The following OGDH variants were observed in gnomAD, a reference collection of about 807,000 sequenced individuals.
OGDH encodes the protein 2-oxoglutarate dehydrogenase complex component E1.
In OGDH, 38 loss-of-function variants were observed where a neutral mutation model predicts 116.6. The observed-to-expected ratio is 0.33, with a 90% confidence interval of 0.25 to 0.43. The LOEUF is 0.43. OGDH is among the 20% of genes least tolerant of loss of function. The pLI is 1.00. For synonymous variants in OGDH, 488 were observed against 533.3 expected (o/e 0.92, Z 1.17); for missense variants, 825 against 1,357.2 (o/e 0.61, Z 6.16).
chr7:44,671,554 G>A (rs1349826767), intron 5 of OGDH, among the ~76,000 whole-genome samples: 6 of 151,622 alleles, frequency 4.0e-5, no homozygotes, highest in African/African-American at 1.5e-4. Context: ...ACGAGGTCAG[G>A]AGATCGAGAC....
At position 44,707,683 on chromosome 7, in the gene OGDH, T is replaced by C; in HGVS notation, c.2898T>C (p.Tyr966=). ...CQEEHKNQGY[Y]DYVKPRLRTT... ...AGGAGCACAAGAACCAAGGCTACTA[T>C]GACTACGTGAAGCCAAGACTTCGGA... Residue 966 remains tyrosine (Y), a synonymous_variant, in exon 22 of 23, where the codon TAT becomes TAC. Coordinates refer to ENST00000222673, the MANE Select transcript of OGDH (RefSeq NM_002541.4). The surrounding 1 kb of genome is among the most constrained non-coding windows in gnomAD (Gnocchi z 5.2). The C allele has an allele frequency of 6.2e-7, 1 of 1,614,210 alleles. No homozygotes were observed. Among genetic ancestry groups the C allele is most frequent in the African/African-American group, 1.3e-5 (1 of 75,062 alleles).
chr7:44,672,570 T>C (rs1787509380), intron 5 of OGDH, among the ~76,000 whole-genome samples: 1 of 151,870 alleles, frequency 6.6e-6, no homozygotes, highest in African/African-American at 2.4e-5. Context: ...AGGGCAGCTG[T>C]GCAGGTCGAG....
intron 19 of OGDH, 22 bp downstream of exon 19, chr7:44,700,291 G>T (rs781280914): frequency 1.5e-5 from 25 of 1,613,204 alleles, no homozygotes; most frequent in Non-Finnish European, 1.9e-5. Flanking sequence ...GGCCTCCCTT[G>T]CTCAAACGAG....
chr7:44,642,943 A>G (rs933944686), intron 2 of OGDH, among the ~76,000 whole-genome samples: 1 of 152,066 alleles, frequency 6.6e-6, no homozygotes, highest in African/African-American at 2.4e-5. Flanking sequence ...AAATTTTTAA[A>G]TATAATTCAC....
chr7:44,609,107 T>C (rs937964486), intron 1 of OGDH, among the ~76,000 whole-genome samples: 1 of 152,188 alleles, frequency 6.6e-6, no homozygotes, highest in Non-Finnish European at 1.5e-5. Flanking sequence ...AATTTTGGCA[T>C]GTCAAGAATG....
chr7:44,668,668 G>A (rs1787292554), intron 5 of OGDH, among the ~76,000 whole-genome samples: 1 of 152,108 alleles, frequency 6.6e-6, no homozygotes, highest in Non-Finnish European at 1.5e-5. Flanking sequence ...CAAGAAGAAT[G>A]AACCTTTGGG....
chr7:44,640,403 A>G (rs1323876655), intron 2 of OGDH, among the ~76,000 whole-genome samples: 1 of 152,172 alleles, frequency 6.6e-6, no homozygotes, highest in East Asian at 1.9e-4. Context: ...GAGCCTCAGT[A>G]AAAGTTAGCT....
chr7:44,697,839 C>A lies in OGDH; in HGVS notation c.2358+57C>A. Reference sequence around the variant, plus strand: ...GGACTTGGGAAGGGCCTGTGTAGGACCCTGACCCCAAAGACTGGCACGAGA... The same window carrying A: ...GGACTTGGGAAGGGCCTGTGTAGGAACCTGACCCCAAAGACTGGCACGAGA... On this transcript the variant is annotated intron_variant, in intron 17 of 22. Coordinates refer to ENST00000222673, the MANE Select transcript of OGDH (RefSeq NM_002541.4). The surrounding 1 kb of genome is among the most constrained non-coding windows in gnomAD (Gnocchi z 6.0). 6.5e-7 allele frequency: 1 copy of A among 1,548,494 alleles called. No individual in the cohort carries two copies. The highest frequency in any genetic ancestry group is 8.7e-7 in the Non-Finnish European group (1 of 1,149,956).
chr7:44,688,843 G>A (rs1375173180), intron 10 of OGDH, among the ~76,000 whole-genome samples: 1 of 151,856 alleles, frequency 6.6e-6, no homozygotes, highest in Non-Finnish European at 1.5e-5. Flanking sequence ...TCCACTTCCC[G>A]GGTTCAAACG....
At position 44,708,853 on chromosome 7, in the gene OGDH, T is replaced by A. The variant is rs1282051759; in HGVS notation, c.*854T>A. On this transcript the variant is annotated 3_prime_UTR_variant, in exon 23 of 23. Coordinates refer to ENST00000222673, the MANE Select transcript of OGDH (RefSeq NM_002541.4). Reference sequence around the variant, plus strand: ...CCAATGGAGACTTTCTGATGCATCGTTTTCTTTGCTGTGCCAAAGCAGGTC... The same window carrying A: ...CCAATGGAGACTTTCTGATGCATCGATTTCTTTGCTGTGCCAAAGCAGGTC... The A allele has an allele frequency of 1.3e-5, 2 of 152,164 alleles. No homozygotes were observed. The highest frequency in any genetic ancestry group is 4.8e-5 in the African/African-American group (2 of 41,416). The allele number at this position is 152,164 out of a possible 1,614,324, so 9.4% of individuals were successfully genotyped here.
At position 44,636,622 on chromosome 7, in the gene OGDH, A is replaced by T. The variant is rs543248122; in HGVS notation, c.223-8705A>T. ...CTGCCACATGCAGAGAGCACTGAGG[A>T]TACTGTTTCTAGCCTTTCAAGAGCT... is the stretch of plus-strand genomic sequence containing the variant. On this transcript the variant is annotated intron_variant, in intron 2 of 22. Coordinates refer to ENST00000222673, the MANE Select transcript of OGDH (RefSeq NM_002541.4). 3.3e-5 allele frequency among the ~76,000 whole-genome samples: 5 copies of T among 152,200 alleles called. No homozygotes were observed. The East Asian group carries it at 7.7e-4, about 23-fold the overall frequency.
At chr7:44,642,004 ATGT>A (rs1215947435) in intron 2 of OGDH, among the ~76,000 whole-genome samples, 2 of 152,324 alleles carry the variant, frequency 1.3e-5, no homozygotes, top group East Asian at 3.9e-4. Flanking sequence ...GCCTTTTCTC[ATGT>A]TGGAGGAGAA....
At position 44,647,671 on chromosome 7, in the gene OGDH, T is replaced by G. The variant is rs975934570; in HGVS notation, c.429T>G (p.His143Gln). ...GCCACTCATAGATACGAGGGCACCA[T>G]GTAGCACAGCTGGACCCCCTGGGGA... ...LIRAYQIRGH[H>Q]VAQLDPLGIL... The change falls in exon 4 of 23, where the codon CAT becomes CAG. Residue 143 changes from histidine (H) to glutamine (Q), a missense_variant. By Grantham distance (24) the His-to-Gln change is conservative. Around this residue, in one of 7 missense-constraint regions of OGDH, gnomAD observed 171 missense variants for 276.8 expected, o/e 0.62. Transcript: ENST00000222673. The G allele has an allele frequency of 2.5e-6, 4 of 1,613,866 alleles. No individual in the cohort carries two copies. The highest frequency in any genetic ancestry group is 3.4e-6 in the Non-Finnish European group (4 of 1,179,904).
chr7:44,653,746 G>T (rs972206526), intron 4 of OGDH, among the ~76,000 whole-genome samples: 2 of 151,960 alleles, frequency 1.3e-5, no homozygotes, highest in Non-Finnish European at 2.9e-5. Flanking sequence ...GGCTGGTCTC[G>T]AACTCCTGAC....
rs759749596 is a variant in OGDH, at chr7:44,694,437, G to A, written c.1529G>A (p.Arg510His). 4 of 1,613,840 alleles carry A rather than the reference G, an allele frequency of 2.5e-6. No homozygotes were observed. The highest frequency in any genetic ancestry group is 2.2e-5 in the East Asian group (1 of 44,868). Residue 510 changes from arginine to histidine, a missense_variant, in exon 12 of 23, where the codon CGC becomes CAC. Coordinates refer to ENST00000222673, the MANE Select transcript of OGDH (RefSeq NM_002541.4). The surrounding 1 kb of genome is among the most constrained non-coding windows in gnomAD (Gnocchi z 4.2). ...DVVVDLVCYR[R>H]NGHNEMDEPM... ...TGCTCTGAGCAGGTGTGTTACCGGCGCAACGGCCACAACGAGATGGATGAG... is the reference window on the plus strand; with the variant it reads ...TGCTCTGAGCAGGTGTGTTACCGGCACAACGGCCACAACGAGATGGATGAG...
chr7:44,639,960 C>T (rs1785854878), intron 2 of OGDH, among the ~76,000 whole-genome samples: 1 of 152,210 alleles, frequency 6.6e-6, no homozygotes, highest in South Asian at 2.1e-4. Context: ...CAGTTATCCT[C>T]AGCCAATTGA....
chr7:44,616,962 TCTCA>T (rs1346843926), intron 1 of OGDH, among the ~76,000 whole-genome samples: 114 of 130,174 alleles, frequency 8.8e-4, no homozygotes, highest in African/African-American at 3.1e-3. Context: ...AGCTCTGGAG[TCTCA>T]CTCTGTCGTC....
chr7:44,652,368 C>T (rs1318039063), intron 4 of OGDH, among the ~76,000 whole-genome samples: 1 of 152,130 alleles, frequency 6.6e-6, no homozygotes, highest in African/African-American at 2.4e-5. Context: ...CCTCAGCCTC[C>T]CAAAGTGCTG....
chr7:44,675,505 C>T (rs907664223), intron 8 of OGDH, among the ~76,000 whole-genome samples: 3 of 152,226 alleles, frequency 2.0e-5, no homozygotes, highest in Middle Eastern at 3.4e-3. Context: ...GGCTGAGGGA[C>T]GTTCTCCTTA....
Sources: gnomAD v4.1 joint callset for allele counts (sites outside exome capture counted in the v4.1 genomes callset) on GRCh38, gnomAD v4.1.1 for gene constraint, gnomAD v4.1.1 regional missense constraint, Gnocchi (gnomAD v3.1) non-coding constraint, MANE v1.5 for transcripts, NCBI Gene and HGNC (gene_info 2026-07-23, HGNC 2026-07-21) for gene names.